The following LEKR1 variants were observed in gnomAD, a reference collection of about 807,000 sequenced individuals.
The protein encoded by LEKR1 is leucine, glutamate and lysine rich 1.
LEKR1 carries 59 observed loss-of-function variants against 72.4 expected under a neutral mutation model. The observed-to-expected ratio is 0.82, with a 90% CI of 0.66 to 1.01. The LOEUF (loss-of-function observed/expected upper bound fraction) is 1.01. Among genes scored for constraint, LEKR1 ranks in the 50% least tolerant of loss-of-function variants. The pLI is 0.00. For missense variants in LEKR1, 728 were observed against 759.2 expected, an observed-to-expected ratio of 0.96 and a Z score of 0.48; for synonymous variants, 257 against 263.2, an observed-to-expected ratio of 0.98 and a Z score of 0.23.
intron 6 of LEKR1, among the ~76,000 whole-genome samples, chr3:156,972,288 C>T (rs1729278439): frequency 1.3e-5 from 2 of 148,430 alleles, no homozygotes; most frequent in South Asian, 4.2e-4. Flanking sequence ...GGGAATTGAA[C>T]AATGAGAATA....
chr3:156,989,919 C>G (rs1731015078), intron 7 of LEKR1, among the ~76,000 whole-genome samples: 1 of 152,070 alleles, frequency 6.6e-6, no homozygotes, highest in African/African-American at 2.4e-5. Flanking sequence ...CCTCTAGATA[C>G]TTCAGCCAGC....
chr3:156,826,712 C>G (rs531502276), intron 1 of LEKR1: 1 of 155,566 alleles, frequency 6.4e-6, no homozygotes, highest in African/African-American at 2.4e-5. Flanking sequence ...ATTTGAAAGC[C>G]ATTCCAGCAG....
At chr3:156,943,743 G>T (rs1022455799) in intron 6 of LEKR1, among the ~76,000 whole-genome samples, 1 of 151,790 alleles carries the variant, frequency 6.6e-6, no homozygotes, top group Admixed American at 6.6e-5. Flanking sequence ...CCTGTGTTTG[G>T]GAGTCTTTAA....
chr3:156,993,404 C>A, intron 9 of LEKR1, 127 bp downstream of exon 9: 1 of 563,464 alleles, frequency 1.8e-6, no homozygotes, highest in Non-Finnish European at 3.0e-6. Flanking sequence ...ATATATTTCT[C>A]CTACAAGGTC....
At chr3:157,028,067 T>A (rs373379862) in intron 11 of LEKR1, 36 bp from the exon 12 acceptor site, 80 of 1,367,866 alleles carry the variant, frequency 5.8e-5, no homozygotes, top group Non-Finnish European at 7.8e-5. Flanking sequence ...ACCTAGAAAC[T>A]ATCGCCTACA....
At chr3:156,903,835 C>A (rs1722267290) in intron 3 of LEKR1, among the ~76,000 whole-genome samples, 2 of 152,182 alleles carry the variant, frequency 1.3e-5, no homozygotes, top group Admixed American at 6.5e-5. Context: ...AGGAAAGAAT[C>A]CTACAGAAGA....
chr3:156,838,128 T>C (rs1177321474), intron 2 of LEKR1, among the ~76,000 whole-genome samples: 1 of 152,218 alleles, frequency 6.6e-6, no homozygotes, highest in Non-Finnish European at 1.5e-5. Flanking sequence ...GTGTTGTCTT[T>C]GATCCACTCA....
intron 7 of LEKR1, among the ~76,000 whole-genome samples, chr3:156,984,689 A>T (rs1002560321): frequency 4.4e-4 from 67 of 152,170 alleles, no homozygotes; most frequent in Middle Eastern, 3.4e-3. Flanking sequence ...AAAAAATTTT[A>T]AAAAAATGTT....
At chr3:157,000,365 T>C (rs570291289) in intron 9 of LEKR1, among the ~76,000 whole-genome samples, 24 of 152,322 alleles carry the variant, frequency 1.6e-4, no homozygotes, top group African/African-American at 5.8e-4. Flanking sequence ...CTATATCTAG[T>C]ATTAGATAAG....
At chr3:156,828,760 T>C (rs1711984076) in intron 1 of LEKR1, among the ~76,000 whole-genome samples, 1 of 151,644 alleles carries the variant, frequency 6.6e-6, no homozygotes, top group Non-Finnish European at 1.5e-5. Flanking sequence ...GGCACTTGGC[T>C]TCTTATTTTT....
At chr3:156,953,319 T>A (rs1018070526) in intron 6 of LEKR1, among the ~76,000 whole-genome samples, 1 of 151,586 alleles carries the variant, frequency 6.6e-6, no homozygotes, top group Non-Finnish European at 1.5e-5. Context: ...AATTAATGAA[T>A]GAATATTGAC....
At chr3:157,010,342 A>T (rs2108022162) in intron 9 of LEKR1, among the ~76,000 whole-genome samples, 1 of 152,196 alleles carries the variant, frequency 6.6e-6, no homozygotes, top group East Asian at 1.9e-4. Context: ...AGTAAAAGAG[A>T]GAGAAGAAAA....
intron 6 of LEKR1, among the ~76,000 whole-genome samples, chr3:156,955,810 TTTGTTG>T (rs75693810): frequency 4.0e-5 from 6 of 151,694 alleles, no homozygotes; most frequent in African/African-American, 9.7e-5. Flanking sequence ...AAGTTTTCTT[TTTGTTG>T]TTGTTGTTGT....
At chr3:156,836,125 G>T (rs1294920228) in intron 2 of LEKR1, among the ~76,000 whole-genome samples, 1 of 151,902 alleles carries the variant, frequency 6.6e-6, no homozygotes, top group Non-Finnish European at 1.5e-5. Context: ...CACCCACCTT[G>T]GCTTCCCAAA....
At chr3:157,012,503 G>A (rs1732971681) in intron 10 of LEKR1, among the ~76,000 whole-genome samples, 1 of 152,084 alleles carries the variant, frequency 6.6e-6, no homozygotes, top group South Asian at 2.1e-4. Context: ...CCCTCACTCT[G>A]CCATCCAGCA....
chr3:157,033,263 T>TA (rs1734746618), intron 12 of LEKR1, among the ~76,000 whole-genome samples: 1 of 152,204 alleles, frequency 6.6e-6, no homozygotes. Context: ...TGATTAAGCT[T>TA]AGCAAGGAAA....
At chr3:156,912,094 A>G (rs1359191875) in intron 3 of LEKR1, among the ~76,000 whole-genome samples, 1 of 151,602 alleles carries the variant, frequency 6.6e-6, no homozygotes, top group East Asian at 1.9e-4. Flanking sequence ...TTTATACTCT[A>G]TTTTCTCTGG....
intron 12 of LEKR1, among the ~76,000 whole-genome samples, chr3:157,034,246 A>T (rs1734816484): frequency 6.6e-6 from 1 of 152,218 alleles, no homozygotes; most frequent in African/African-American, 2.4e-5. Flanking sequence ...TCATAAGATG[A>T]TAGCTGTCAT....
At chr3:156,959,236 C>A (rs10936040) in intron 6 of LEKR1, among the ~76,000 whole-genome samples, 77,243 of 152,004 alleles carry the variant, frequency 0.51, 21,294 homozygotes, top group East Asian at 0.73. Flanking sequence ...CAGACTGATA[C>A]ACCACTCATC....
Sources: gnomAD v4.1 joint callset for allele counts (sites outside exome capture counted in the v4.1 genomes callset) on GRCh38, gnomAD v4.1.1 for gene constraint, MANE v1.5 for transcripts, NCBI Gene and HGNC (gene_info 2026-07-23, HGNC 2026-07-21) for gene names.